Variants in EPHA3 observed in about 807,000 individuals in gnomAD.
EPHA3 encodes the protein EPH receptor A3.
Under a neutral mutation model 107.1 loss-of-function variants are expected in EPHA3, and 42 were observed. The ratio of observed to expected loss-of-function variants is 0.39; its 90% confidence interval spans 0.31 to 0.51. EPHA3 has a LOEUF of 0.51. EPHA3 is among the 20% of genes least tolerant of loss of function. The pLI is 0.78. For missense variants in EPHA3, 1,183 were observed against 1,211.2 expected, an observed-to-expected ratio of 0.98 and a Z score of 0.35; for synonymous variants, 461 against 424.8, an observed-to-expected ratio of 1.09 and a Z score of -1.05.
intron 5 of EPHA3, among the ~76,000 whole-genome samples, chr3:89,387,079 G>A (rs1708636837): frequency 1.3e-5 from 2 of 152,156 alleles, no homozygotes; most frequent in Admixed American, 1.3e-4. Flanking sequence ...GAATTTTTGG[G>A]TTAATGCTGG....
intron 11 of EPHA3, among the ~76,000 whole-genome samples, chr3:89,428,000 G>A (rs914561954): frequency 4.6e-5 from 7 of 151,356 alleles, no homozygotes; most frequent in South Asian, 2.1e-4. Flanking sequence ...ATAATATTAC[G>A]CTGTAACAAT....
intron 3 of EPHA3, among the ~76,000 whole-genome samples, chr3:89,215,745 G>A (rs975514409): frequency 2.6e-5 from 4 of 151,818 alleles, no homozygotes; most frequent in African/African-American, 9.7e-5. Flanking sequence ...CAGTGTTTTA[G>A]TAAAATATGA....
chr3:89,148,653 A>G (rs1411300877), intron 2 of EPHA3, among the ~76,000 whole-genome samples: 3 of 151,978 alleles, frequency 2.0e-5, no homozygotes, highest in East Asian at 1.9e-4. Flanking sequence ...TCAGAATAAT[A>G]AAACAAAAAT....
intron 7 of EPHA3, among the ~76,000 whole-genome samples, chr3:89,404,995 G>A (rs1709030544): frequency 6.6e-6 from 1 of 152,152 alleles, no homozygotes; most frequent in African/African-American, 2.4e-5. Flanking sequence ...TGTAGCCAAT[G>A]GATAGGGATG....
chr3:89,123,896 C>T (rs1704027785), intron 1 of EPHA3, among the ~76,000 whole-genome samples: 1 of 152,066 alleles, frequency 6.6e-6, no homozygotes, highest in African/African-American at 2.4e-5. Context: ...AAATATTTGG[C>T]AATCACATCA....
chr3:89,286,171 C>T (rs543021866), intron 3 of EPHA3, among the ~76,000 whole-genome samples: 2 of 144,462 alleles, frequency 1.4e-5, no homozygotes, highest in Non-Finnish European at 3.0e-5. Context: ...TTTCCATAAA[C>T]ATCAGTTCTA....
chr3:89,157,761 A>T (rs369132808), intron 2 of EPHA3, among the ~76,000 whole-genome samples: 57 of 152,160 alleles, frequency 3.7e-4, no homozygotes, highest in African/African-American at 1.2e-3. Context: ...GGGATGCAGC[A>T]GTAAGTAAAA....
chr3:89,443,135 C>T (rs1237865141), intron 13 of EPHA3, among the ~76,000 whole-genome samples: 2 of 152,030 alleles, frequency 1.3e-5, no homozygotes, highest in African/African-American at 2.4e-5. Flanking sequence ...AAAGGGGTAA[C>T]GTCCATGTGT....
chr3:89,280,037 G>A (rs1255684618), intron 3 of EPHA3, among the ~76,000 whole-genome samples: 2 of 151,990 alleles, frequency 1.3e-5, no homozygotes, highest in Non-Finnish European at 2.9e-5. Flanking sequence ...GTGTGTGTGT[G>A]TGTGTGTGTG....
intron 5 of EPHA3, among the ~76,000 whole-genome samples, chr3:89,349,715 T>A (rs1707760669): frequency 6.7e-6 from 1 of 149,822 alleles, no homozygotes. Context: ...CTAGTCTCGA[T>A]GGTCTTTACA....
At chr3:89,219,802 G>A (rs1192327926) in intron 3 of EPHA3, among the ~76,000 whole-genome samples, 4 of 134,720 alleles carry the variant, frequency 3.0e-5, no homozygotes, top group South Asian at 2.6e-4. Flanking sequence ...TCCACCTCCC[G>A]GGTTCACGCC....
At chr3:89,256,464 G>A (rs1216943069) in intron 3 of EPHA3, among the ~76,000 whole-genome samples, 4 of 151,944 alleles carry the variant, frequency 2.6e-5, no homozygotes, top group Non-Finnish European at 4.4e-5. Context: ...CCAGCTACTC[G>A]GGAACCTGAG....
At chr3:89,298,445 A>T (rs1392960150) in intron 3 of EPHA3, among the ~76,000 whole-genome samples, 1 of 152,164 alleles carries the variant, frequency 6.6e-6, no homozygotes, top group Non-Finnish European at 1.5e-5. Context: ...ATATTGCACC[A>T]TAGGGTCATC....
intron 3 of EPHA3, among the ~76,000 whole-genome samples, chr3:89,215,359 A>G (rs551490868): frequency 6.6e-6 from 1 of 151,894 alleles, no homozygotes; most frequent in Non-Finnish European, 1.5e-5. Flanking sequence ...AAGTGAGAGA[A>G]AGCAAGGGAA....
intron 2 of EPHA3, among the ~76,000 whole-genome samples, chr3:89,186,575 G>T (rs375523901): frequency 6.6e-6 from 1 of 152,030 alleles, no homozygotes; most frequent in African/African-American, 2.4e-5. Context: ...TGCTTGTATA[G>T]TACTGCCAAT....
At chr3:89,264,070 C>CT (rs1240508168) in intron 3 of EPHA3, among the ~76,000 whole-genome samples, 1 of 152,152 alleles carries the variant, frequency 6.6e-6, no homozygotes, top group Non-Finnish European at 1.5e-5. Context: ...CGCATCAACT[C>CT]TAAGTCCAAA....
chr3:89,131,570 C>A (rs1437759540), intron 2 of EPHA3, among the ~76,000 whole-genome samples: 1 of 152,088 alleles, frequency 6.6e-6, no homozygotes, highest in Non-Finnish European at 1.5e-5. Flanking sequence ...ACAGTTTTCA[C>A]TTAGTATAGT....
intron 16 of EPHA3, among the ~76,000 whole-genome samples, chr3:89,474,081 CTG>C (rs1440356976): frequency 6.6e-6 from 1 of 151,964 alleles, no homozygotes; most frequent in Non-Finnish European, 1.5e-5. Flanking sequence ...TTCAACATCA[CTG>C]TGAAAAATAA....
intron 3 of EPHA3, among the ~76,000 whole-genome samples, chr3:89,291,435 G>A (rs1343586035): frequency 6.6e-6 from 1 of 152,062 alleles, no homozygotes; most frequent in Non-Finnish European, 1.5e-5. Context: ...TAGAAATTAT[G>A]TAATGTGACA....
Sources: gnomAD v4.1 joint callset for allele counts (sites outside exome capture counted in the v4.1 genomes callset) on GRCh38, gnomAD v4.1.1 for gene constraint, MANE v1.5 for transcripts, NCBI Gene and HGNC (gene_info 2026-07-23, HGNC 2026-07-21) for gene names.